The following NFKB1 variants were observed in gnomAD, a reference collection of about 807,000 sequenced individuals.
The protein encoded by NFKB1 is nuclear factor NF-kappa-B p105 subunit.
A neutral mutation model predicts 105.1 loss-of-function variants in NFKB1; 9 were observed. The observed-to-expected ratio is 0.09, with a 90% CI of 0.05 to 0.15. The LOEUF is 0.15. NFKB1 is among the 10% of genes least tolerant of loss of function. NFKB1 has a pLI of 1.00. For missense variants in NFKB1, 830 were observed against 1,203.7 expected (o/e 0.69, Z 4.59); for synonymous variants, 440 against 442.2 (o/e 1.00, Z 0.06).
intron 8 of NFKB1, 109 bp downstream of exon 8, chr4:102,579,148 C>T: frequency 8.9e-7 from 1 of 1,126,424 alleles, no homozygotes; most frequent in Non-Finnish European, 1.2e-6. Context: ...TCACTTTAAG[C>T]CTCAGCTTTA....
chr4:102,596,983 A>T (rs938192419), intron 14 of NFKB1, among the ~76,000 whole-genome samples: 4 of 152,168 alleles, frequency 2.6e-5, no homozygotes, highest in African/African-American at 9.7e-5. Flanking sequence ...CTATATGAAA[A>T]GCAGGCCATA....
intron 8 of NFKB1, among the ~76,000 whole-genome samples, chr4:102,579,821 G>A (rs1237552069): frequency 2.0e-5 from 3 of 151,942 alleles, no homozygotes; most frequent in Non-Finnish European, 2.9e-5. Context: ...CTCATTGAAA[G>A]TTTATAGAAT....
rs548983817 is a variant in NFKB1, at chr4:102,609,979, TTTTG to T, written c.2228-592_2228-589del. On this transcript the variant is annotated intron_variant, in intron 19 of 23. Coordinates refer to ENST00000226574, the MANE Select transcript of NFKB1 (RefSeq NM_003998.4). ...GATGTTTTGTTTATTTGTTTGTTGTTTTTGTTTTTGCTGGATGCTAAAGAGCAGA... is the reference window on the plus strand; with the variant it reads ...GATGTTTTGTTTATTTGTTTGTTGTTTTTTTGCTGGATGCTAAAGAGCAGA... Among the ~76,000 whole-genome samples the T allele has an allele frequency of 2.6e-5, 4 of 152,336 alleles. 1 individual carries two copies. In the South Asian group the frequency reaches 8.3e-4, roughly 32 times the overall value.
intron 6 of NFKB1, 106 bp downstream of exon 6, chr4:102,567,241 T>C (rs1723954678): frequency 8.6e-7 from 1 of 1,162,438 alleles, no homozygotes; most frequent in East Asian, 2.4e-5. Flanking sequence ...TCTGAGACCC[T>C]CAGATGACCT....
intron 1 of NFKB1, among the ~76,000 whole-genome samples, chr4:102,507,569 C>T (rs889602496): frequency 7.2e-5 from 11 of 151,852 alleles, no homozygotes; most frequent in East Asian, 1.9e-4. Flanking sequence ...CCCAAAGTGC[C>T]GGGATTACAG....
chr4:102,511,441 G>A (rs57383933), intron 1 of NFKB1, among the ~76,000 whole-genome samples: 2,959 of 152,274 alleles, frequency 0.019, 99 homozygotes, highest in African/African-American at 0.062. Flanking sequence ...TCAGGAGGCC[G>A]AGAAGGGAGG....
At chr4:102,551,554 A>T (rs1253853113) in intron 5 of NFKB1, among the ~76,000 whole-genome samples, 1 of 152,124 alleles carries the variant, frequency 6.6e-6, no homozygotes. Context: ...CGTAAGAAGA[A>T]CGAATCACAC....
chr4:102,576,742 G>T (rs929457756), intron 6 of NFKB1, 134 bp from the exon 7 acceptor site: 17 of 908,724 alleles, frequency 1.9e-5, no homozygotes, highest in Non-Finnish European at 2.8e-5. Flanking sequence ...AATGCATGTA[G>T]CCCCAAGAGA....
chr4:102,616,403 C>T, intron 23 of NFKB1, 31 bp from the exon 24 acceptor site: 1 of 1,610,056 alleles, frequency 6.2e-7, no homozygotes, highest in Non-Finnish European at 8.5e-7. Flanking sequence ...CCCGGCCATT[C>T]CCCCAGTGAA....
intron 6 of NFKB1, among the ~76,000 whole-genome samples, chr4:102,575,945 G>A (rs754203106): frequency 7.9e-5 from 12 of 152,186 alleles, no homozygotes; most frequent in Non-Finnish European, 2.9e-5. Flanking sequence ...ATAAGGATCT[G>A]CATAAATATT....
chr4:102,579,657 A>AT (rs1725168028), intron 8 of NFKB1, among the ~76,000 whole-genome samples: 1 of 146,780 alleles, frequency 6.8e-6, no homozygotes, highest in Non-Finnish European at 1.5e-5. Flanking sequence ...ATATATATAT[A>AT]TATATATGTA....
At chr4:102,578,374 G>A (rs1384921561) in intron 7 of NFKB1, 1 of 156,022 alleles carries the variant, frequency 6.4e-6, no homozygotes, top group Admixed American at 6.5e-5. Context: ...CAGCAGGAGG[G>A]AAGGAAACAG....
At position 102,529,723 on chromosome 4, in the gene NFKB1, G is replaced by A. The variant is rs183133939; in HGVS notation, c.40-113G>A. ...TGATTTAAAATATTTTCAGATTTTTGTTTTTGGCTTTAGTTTCATTCCTAT... is the reference window on the plus strand; with the variant it reads ...TGATTTAAAATATTTTCAGATTTTTATTTTTGGCTTTAGTTTCATTCCTAT... On this transcript the variant is annotated intron_variant, in intron 2 of 23. Coordinates refer to ENST00000226574, the MANE Select transcript of NFKB1 (RefSeq NM_003998.4). 526 of 750,774 alleles carry A rather than the reference G, an allele frequency of 7.0e-4. 3 individuals carry two copies. Among genetic ancestry groups the A allele is most frequent in the Non-Finnish European group, 8.0e-4 (362 of 450,354 alleles). The allele number at this position is 750,774 out of a possible 1,614,324, so 46.5% of individuals were successfully genotyped here. A position where few individuals can be genotyped will look rare whatever the true frequency, so the allele number is the denominator to read the frequency against.
At chr4:102,585,113 C>A (rs757237995) in intron 11 of NFKB1, among the ~76,000 whole-genome samples, 3 of 151,864 alleles carry the variant, frequency 2.0e-5, no homozygotes, top group Non-Finnish European at 2.9e-5. Context: ...TGGCCTTAAA[C>A]TCCTGGCCTT....
At position 102,524,768 on chromosome 4, in the gene NFKB1, G is replaced by A. The variant is rs1040212849; in HGVS notation, c.-7-744G>A. 4.6e-5 allele frequency among the ~76,000 whole-genome samples: 7 copies of A among 152,004 alleles called. No individual in the cohort carries two copies. The East Asian group carries it at 5.8e-4, about 13-fold the overall frequency. ...CAGGCGTTAGATTCTCATAAGGAGC[G>A]GGCAATCTAGATCCCTTGCATGCAC... On this transcript the variant is annotated intron_variant, in intron 1 of 23. Transcript: ENST00000226574.
chr4:102,582,989 T>C (rs777736942), intron 10 of NFKB1, 32 bp downstream of exon 10: 2 of 1,460,596 alleles, frequency 1.4e-6, no homozygotes, highest in Non-Finnish European at 9.5e-7. Context: ...TTAATCCTTA[T>C]TATTTTTAGA....
chr4:102,567,803 A>C (rs994670544), intron 6 of NFKB1, among the ~76,000 whole-genome samples: 3 of 152,222 alleles, frequency 2.0e-5, no homozygotes, highest in Admixed American at 1.3e-4. Flanking sequence ...GCTTTTAAAT[A>C]AGACATATTT....
Position 102,616,649 on chromosome 4 carries a change from T to G in NFKB1, c.*55T>G, listed in dbSNP as rs1427588151. On this transcript the variant is annotated 3_prime_UTR_variant, in exon 24 of 24. Coordinates refer to ENST00000226574, the MANE Select transcript of NFKB1 (RefSeq NM_003998.4). The stretch of plus-strand genomic sequence containing the variant: ...CCAAAGCCCTAAAATTCCACTGCGT[T>G]GTCCACAAGACAGAAGCTGAAGTGC... 2 of 1,576,518 alleles carry G rather than the reference T, an allele frequency of 1.3e-6. No homozygotes were observed. The highest frequency in any genetic ancestry group is 2.7e-5 in the African/African-American group (2 of 74,266).
intron 5 of NFKB1, among the ~76,000 whole-genome samples, chr4:102,558,153 T>C (rs1723132584): frequency 6.6e-6 from 1 of 151,846 alleles, no homozygotes; most frequent in Non-Finnish European, 1.5e-5. Flanking sequence ...TTAAGCCTAA[T>C]ATCTGTTAGT....
Sources: gnomAD v4.1 joint callset for allele counts (sites outside exome capture counted in the v4.1 genomes callset) on GRCh38, gnomAD v4.1.1 for gene constraint, MANE v1.5 for transcripts, NCBI Gene and HGNC (gene_info 2026-07-23, HGNC 2026-07-21) for gene names.